The following RASGRP1 variants were observed in gnomAD, a reference collection of about 807,000 sequenced individuals.
RASGRP1 encodes RAS guanyl-releasing protein 1.
RASGRP1 carries 37 observed loss-of-function variants against 95.1 expected under a neutral mutation model. The observed-to-expected ratio is 0.39, with a 90% confidence interval of 0.30 to 0.51. The LOEUF (loss-of-function observed/expected upper bound fraction) is 0.51, where lower values mean the gene tolerates loss of function less well. Among genes scored for constraint, RASGRP1 ranks in the 20% least tolerant of loss-of-function variants. The probability of loss-of-function intolerance (pLI) is 0.80; values close to 1 mark genes in which losing one functional copy is unlikely to be tolerated. For synonymous variants in RASGRP1, 325 were observed against 353.4 expected (o/e 0.92, Z 0.90); for missense variants, 711 against 965.4 (o/e 0.74, Z 3.49).
intron 14 of RASGRP1, chr15:38,499,183 A>G (rs762197921): frequency 2.7e-5 from 18 of 662,026 alleles, no homozygotes; most frequent in Non-Finnish European, 5.0e-5. Context: ...GTATCCTGAT[A>G]TCTTGGAGGG....
At chr15:38,492,668 A>G (rs1366249014) in intron 16 of RASGRP1, among the ~76,000 whole-genome samples, 2 of 152,268 alleles carry the variant, frequency 1.3e-5, no homozygotes, top group Admixed American at 1.3e-4. Flanking sequence ...GTTATCTATA[A>G]TTAAGAAACT....
chr15:38,550,843 A>T (rs1412181111), intron 2 of RASGRP1, among the ~76,000 whole-genome samples: 1 of 152,074 alleles, frequency 6.6e-6, no homozygotes, highest in Non-Finnish European at 1.5e-5. Context: ...AGTGACGGTA[A>T]TTTTTTTCTT....
At chr15:38,522,176 G>A (rs4923799) in intron 3 of RASGRP1, among the ~76,000 whole-genome samples, 6 of 152,066 alleles carry the variant, frequency 3.9e-5, no homozygotes, top group Non-Finnish European at 7.4e-5. Flanking sequence ...AGAGTCTAGC[G>A]GGGGAGACGA....
At position 38,535,539 on chromosome 15, in the gene RASGRP1, G is replaced by T. The variant is rs181725603; in HGVS notation, c.221-9135C>A. Among the ~76,000 whole-genome samples, 485 of 152,230 alleles carry T rather than the reference G, an allele frequency of 3.2e-3. 3 individuals carry two copies. Among genetic ancestry groups the T allele is most frequent in the African/African-American group, 0.011 (460 of 41,558 alleles). ...AGAGACTCTGTGAGTCAGTGGCCAG[G>T]GGGTGAAAATTCACGTCCCCTAAGG... On this transcript the variant is annotated intron_variant, in intron 2 of 16. Coordinates refer to ENST00000310803, the MANE Select transcript of RASGRP1 (RefSeq NM_005739.4).
chr15:38,510,365 A>G (rs1891454723), intron 8 of RASGRP1, among the ~76,000 whole-genome samples: 1 of 152,256 alleles, frequency 6.6e-6, no homozygotes, highest in Non-Finnish European at 1.5e-5. Flanking sequence ...AGAGGTGACT[A>G]AAGATGATGC....
intron 14 of RASGRP1, chr15:38,499,209 G>C: frequency 1.7e-6 from 1 of 605,542 alleles, no homozygotes; most frequent in Non-Finnish European, 3.1e-6. Flanking sequence ...ATGGTGTCCT[G>C]GTATCCCATA....
In RASGRP1 at chr15:38,489,407, G is replaced by A. The variant is rs1377597568; in HGVS notation, c.*1147C>T. The A allele has an allele frequency of 6.6e-6, 1 of 152,080 alleles. No individual in the cohort carries two copies. The highest frequency in any genetic ancestry group is 1.9e-4 in the East Asian group (1 of 5,190). 9.4% of individuals were successfully genotyped at this position (152,080 alleles called of 1,614,324 possible). ...GCCAAACAATACAATTTTACCTTGT[G>A]AGCAATTTAATCTTGTGACAAACTG... On this transcript the variant is annotated 3_prime_UTR_variant, in exon 17 of 17. Coordinates refer to ENST00000310803, the MANE Select transcript of RASGRP1 (RefSeq NM_005739.4).
At chr15:38,545,681 TCAGA>T (rs1436709643) in intron 2 of RASGRP1, among the ~76,000 whole-genome samples, 1 of 152,058 alleles carries the variant, frequency 6.6e-6, no homozygotes, top group East Asian at 1.9e-4. Flanking sequence ...GAGAAGCAAG[TCAGA>T]CAGAGAAGAG....
intron 4 of RASGRP1, 61 bp downstream of exon 4, chr15:38,519,248 T>C: frequency 7.1e-7 from 1 of 1,409,988 alleles, no homozygotes; most frequent in East Asian, 2.3e-5. Flanking sequence ...GGAAAGTCCC[T>C]TGCTTCACCT....
At chr15:38,508,058 A>G in intron 8 of RASGRP1, 57 bp from the exon 9 acceptor site, 1 of 1,522,984 alleles carries the variant, frequency 6.6e-7, no homozygotes, top group Non-Finnish European at 8.8e-7. Flanking sequence ...CATTGTCTGT[A>G]ATGAGGACCT....
At chr15:38,517,976 G>C (rs1204384298) in intron 5 of RASGRP1, among the ~76,000 whole-genome samples, 1 of 152,118 alleles carries the variant, frequency 6.6e-6, no homozygotes, top group Non-Finnish European at 1.5e-5. Flanking sequence ...TCAGTCATTT[G>C]CACTTTCAGT....
rs878979489 is a variant in RASGRP1, at chr15:38,519,427, T to C, written c.327-56A>G. 1.0e-5 allele frequency: 13 copies of C among 1,296,132 alleles called. No homozygotes were observed. In the South Asian group the frequency reaches 1.4e-4, roughly 14 times the overall value. 80.3% of individuals were successfully genotyped at this position (1,296,132 alleles called of 1,614,324 possible). ...TCTGTTACAGAAACCAAACGACTTTTCATCTTTGGAAGTATTTGCTGAAAC... is the reference window on the plus strand; with the variant it reads ...TCTGTTACAGAAACCAAACGACTTTCCATCTTTGGAAGTATTTGCTGAAAC... On this transcript the variant is annotated intron_variant, in intron 3 of 16. Transcript: ENST00000310803.
chr15:38,516,102 C>A (rs866312474), intron 6 of RASGRP1, 95 bp downstream of exon 6: 17 of 1,392,048 alleles, frequency 1.2e-5, no homozygotes, highest in Middle Eastern at 3.7e-4. Flanking sequence ...CTTGAGGGGG[C>A]CTCTAAGGTT....
At chr15:38,523,341 G>T (rs537791134) in intron 3 of RASGRP1, among the ~76,000 whole-genome samples, 2 of 152,062 alleles carry the variant, frequency 1.3e-5, no homozygotes, top group Non-Finnish European at 1.5e-5. Flanking sequence ...GTGTATACTT[G>T]TGTCTTAGAT....
intron 2 of RASGRP1, among the ~76,000 whole-genome samples, chr15:38,543,205 T>G (rs1892972984): frequency 6.6e-6 from 1 of 152,126 alleles, no homozygotes; most frequent in East Asian, 1.9e-4. Flanking sequence ...TTGATTCATC[T>G]CATTTTTTGT....
At chr15:38,496,374 G>A (rs567645788) in intron 15 of RASGRP1, among the ~76,000 whole-genome samples, 53 of 152,300 alleles carry the variant, frequency 3.5e-4, no homozygotes, top group Non-Finnish European at 3.5e-4. Context: ...GGCAGGGTTT[G>A]GAAAAGGGGA....
In RASGRP1 at chr15:38,526,302, G is replaced by T. The variant is rs755014871; in HGVS notation, c.323C>A (p.Thr108Asn). The change falls in exon 3 of 17, where the codon ACC becomes AAC. Residue 108 changes from threonine (T) to asparagine (N), a missense_variant. Thr to Asn is a moderately conservative substitution (Grantham distance 65, BLOSUM62 0). This residue lies in a region of RASGRP1 where 491 missense variants were observed against 676.6 expected (regional missense o/e 0.73). Coordinates refer to ENST00000310803, the MANE Select transcript of RASGRP1 (RefSeq NM_005739.4). ...CAGTCACTATGTTAAAGGATATAGG[G>T]TGATAACTTTTTGGAGCAGTTCTGC... ...SSAELLQKVI[T>N]LYKDALAKNS... 2 of 1,611,084 alleles carry T rather than the reference G, an allele frequency of 1.2e-6. No homozygotes were observed. Among genetic ancestry groups the T allele is most frequent in the Non-Finnish European group, 1.7e-6 (2 of 1,177,464 alleles).
chr15:38,498,344 T>TA (rs1382108080), intron 15 of RASGRP1, among the ~76,000 whole-genome samples: 2 of 152,240 alleles, frequency 1.3e-5, no homozygotes, highest in African/African-American at 2.4e-5. Flanking sequence ...AACCTTGAGA[T>TA]ATCTGTTTTT....
At chr15:38,555,014 C>T (rs368188078) in intron 2 of RASGRP1, among the ~76,000 whole-genome samples, 5 of 152,356 alleles carry the variant, frequency 3.3e-5, no homozygotes, top group African/African-American at 1.2e-4. Context: ...TGGTCTTATG[C>T]TCCTGTTGCC....
Sources: gnomAD v4.1 joint callset for allele counts (sites outside exome capture counted in the v4.1 genomes callset) on GRCh38, gnomAD v4.1.1 for gene constraint, gnomAD v4.1.1 regional missense constraint, MANE v1.5 for transcripts, NCBI Gene and HGNC (gene_info 2026-07-23, HGNC 2026-07-21) for gene names.